SOX6: variants seen among roughly 807,000 people sequenced by gnomAD.
The protein encoded by SOX6 is transcription factor SOX-6.
SOX6 carries 11 observed loss-of-function variants against 97.8 expected under a neutral mutation model. That is an observed-to-expected ratio of 0.11 (90% CI 0.07 to 0.19). SOX6 has a LOEUF of 0.19. Among genes scored for constraint, SOX6 ranks in the 10% least tolerant of loss-of-function variants. SOX6 has a pLI of 1.00. For synonymous variants in SOX6, 360 were observed against 371.4 expected, an observed-to-expected ratio of 0.97 and a Z score of 0.35; for missense variants, 810 against 1,039.5, an observed-to-expected ratio of 0.78 and a Z score of 3.04.
At chr11:16,644,061 C>T (rs1211438981) in intron 3 of SOX6, among the ~76,000 whole-genome samples, 1 of 150,028 alleles carries the variant, frequency 6.7e-6, no homozygotes, top group Non-Finnish European at 1.5e-5. Context: ...CCACCACTGA[C>T]ATAGGGTCTC....
chr11:16,044,235 C>T (rs1855760395), intron 12 of SOX6, among the ~76,000 whole-genome samples: 2 of 151,918 alleles, frequency 1.3e-5, no homozygotes, highest in South Asian at 4.2e-4. Flanking sequence ...CAAAGAGTGT[C>T]CAAATGAGGG....
Position 16,132,501 on chromosome 11 carries a change from A to AAGCAAGCAACC in SOX6, c.778-20579_778-20578insGGTTGCTTGCT, listed in dbSNP as rs1554934078. Among the ~76,000 whole-genome samples the AAGCAAGCAACC allele has an allele frequency of 2.5e-5, 2 of 81,132 alleles. 1 individual carries two copies. The allele number at this position is 81,132 out of a possible 152,430, so 53.2% of individuals were successfully genotyped here. On this transcript the variant is annotated intron_variant, in intron 6 of 15. Transcript: ENST00000683767. ...GAAAGAAAGAAAGAAAGAAAGAAAG[A>AAGCAAGCAACC]AAGAAAGCTTATCTTTGTATCTAGG...
chr11:16,279,578 C>G lies in SOX6; in HGVS notation c.445+38868G>C, dbSNP rs144149539. 4.0e-3 allele frequency among the ~76,000 whole-genome samples: 601 copies of G among 152,068 alleles called. 3 individuals are homozygous for G. Among genetic ancestry groups the G allele is most frequent in the Non-Finnish European group, 6.3e-3 (431 of 67,938 alleles). ...TTATTAAATATTTTTAATACAGAGT[C>G]CTTGACTAACTTCAATAATAATATG... is the stretch of plus-strand genomic sequence containing the variant. On this transcript the variant is annotated intron_variant, in intron 3 of 15. Coordinates refer to ENST00000683767, the MANE Select transcript of SOX6 (RefSeq NM_001367873.1).
At chr11:16,167,269 T>C (rs1210743809) in intron 6 of SOX6, among the ~76,000 whole-genome samples, 1 of 152,160 alleles carries the variant, frequency 6.6e-6, no homozygotes, top group African/African-American at 2.4e-5. Flanking sequence ...ATCCTTGACT[T>C]TCCTCTCTCC....
chr11:16,213,062 T>C (rs1852271230), intron 4 of SOX6, among the ~76,000 whole-genome samples: 1 of 152,142 alleles, frequency 6.6e-6, no homozygotes, highest in Non-Finnish European at 1.5e-5. Flanking sequence ...CCCTCTCATC[T>C]TAATCCTGAA....
chr11:16,233,087 C>A (rs1026847339), intron 4 of SOX6, among the ~76,000 whole-genome samples: 5 of 152,110 alleles, frequency 3.3e-5, no homozygotes, highest in African/African-American at 1.2e-4. Context: ...AGGAAATTTT[C>A]TGTAGTAAAT....
intron 4 of SOX6, among the ~76,000 whole-genome samples, chr11:16,586,118 C>T (rs897284654): frequency 6.6e-6 from 1 of 152,264 alleles, no homozygotes; most frequent in Admixed American, 6.5e-5. Flanking sequence ...AGAATTTAAG[C>T]ATCTATATCT....
chr11:15,966,959 A>C lies in SOX6; in HGVS notation c.*5850T>G, dbSNP rs1265830248. On this transcript the variant is annotated 3_prime_UTR_variant, in exon 16 of 16. Transcript: ENST00000683767. ...TTTAATCCTTAGCAAACTTTTTATT[A>C]TTATTATTATCAAGAGGAGAGTGTG... The C allele has an allele frequency of 6.6e-6, 1 of 152,052 alleles. No homozygotes were observed. Among genetic ancestry groups the C allele is most frequent in the Non-Finnish European group, 1.5e-5 (1 of 67,992 alleles). The allele number at this position is 152,052 out of a possible 1,614,324, so 9.4% of individuals were successfully genotyped here.
intron 12 of SOX6, among the ~76,000 whole-genome samples, chr11:16,036,350 A>T (rs1855519408): frequency 1.3e-5 from 2 of 152,148 alleles, no homozygotes; most frequent in Admixed American, 6.5e-5. Context: ...AAGAGCTGGA[A>T]TTACAGGTGT....
chr11:16,670,566 A>G (rs1213498677), intron 3 of SOX6, among the ~76,000 whole-genome samples: 2 of 152,194 alleles, frequency 1.3e-5, no homozygotes, highest in African/African-American at 2.4e-5. Flanking sequence ...AACTGCAGTT[A>G]GTCCAAGGAG....
chr11:16,161,617 C>A (rs16932655), intron 6 of SOX6, among the ~76,000 whole-genome samples: 4 of 151,990 alleles, frequency 2.6e-5, no homozygotes, highest in Admixed American at 2.6e-4. Flanking sequence ...CCTTTACTAG[C>A]GCCACAAAAC....
intron 9 of SOX6, among the ~76,000 whole-genome samples, chr11:16,071,021 C>T (rs1848211212): frequency 6.6e-6 from 1 of 152,228 alleles, no homozygotes; most frequent in Admixed American, 6.5e-5. Flanking sequence ...GATTGCTTCA[C>T]CTCCCCTTAC....
At chr11:16,078,212 T>C (rs1402776958) in intron 9 of SOX6, among the ~76,000 whole-genome samples, 2 of 152,214 alleles carry the variant, frequency 1.3e-5, no homozygotes, top group Non-Finnish European at 2.9e-5. Context: ...TTCAGTTCTC[T>C]GAATTTGCTC....
chr11:15,975,051 A>T (rs1419723203), intron 15 of SOX6, among the ~76,000 whole-genome samples: 1 of 152,192 alleles, frequency 6.6e-6, no homozygotes, highest in Non-Finnish European at 1.5e-5. Flanking sequence ...TGTATATCAT[A>T]AAAATGCCTG....
At chr11:15,989,364 G>T (rs1019851692) in intron 13 of SOX6, 134 bp from the exon 14 acceptor site, 2 of 658,078 alleles carry the variant, frequency 3.0e-6, no homozygotes, top group Admixed American at 6.0e-5. Flanking sequence ...CTTGGAAGTA[G>T]AAGGCAGGTT....
intron 1 of SOX6, among the ~76,000 whole-genome samples, chr11:16,353,295 G>T (rs745363010): frequency 6.6e-6 from 1 of 151,950 alleles, no homozygotes; most frequent in Non-Finnish European, 1.5e-5. Context: ...CACACTACCC[G>T]TCTAGAGCTG....
intron 2 of SOX6, among the ~76,000 whole-genome samples, chr11:16,324,036 T>C (rs1855999400): frequency 6.6e-6 from 1 of 151,732 alleles, no homozygotes; most frequent in African/African-American, 2.4e-5. Flanking sequence ...TAAAAAAAAT[T>C]AGCTGAGTGT....
intron 4 of SOX6, among the ~76,000 whole-genome samples, chr11:16,519,057 A>G (rs1364025003): frequency 1.3e-5 from 2 of 152,146 alleles, no homozygotes; most frequent in Admixed American, 1.3e-4. Flanking sequence ...TCTGAAAGCA[A>G]AGCGCTTTCA....
chr11:16,059,025 A>T (rs182342000), intron 9 of SOX6, among the ~76,000 whole-genome samples: 1 of 152,194 alleles, frequency 6.6e-6, no homozygotes, highest in Non-Finnish European at 1.5e-5. Context: ...TTAGAGGTTC[A>T]GCTCCCAACT....
Sources: gnomAD v4.1 joint callset for allele counts (sites outside exome capture counted in the v4.1 genomes callset) on GRCh38, gnomAD v4.1.1 for gene constraint, MANE v1.5 for transcripts, NCBI Gene and HGNC (gene_info 2026-07-23, HGNC 2026-07-21) for gene names.